The following SLC43A1 variants were observed in gnomAD, a reference collection of about 807,000 sequenced individuals.
SLC43A1 encodes the protein solute carrier family 43 member 1, also known as large neutral amino acids transporter small subunit 3.
Under a neutral mutation model 59.5 loss-of-function variants are expected in SLC43A1, and 31 were observed. The ratio of observed to expected loss-of-function variants is 0.52; its 90% confidence interval spans 0.39 to 0.70. The LOEUF is 0.70. Ranked by LOEUF, SLC43A1 falls within the 30% of genes least tolerant of loss-of-function variation. The pLI is 0.00. For synonymous variants in SLC43A1, 259 were observed against 290.9 expected (o/e 0.89, Z 1.12); for missense variants, 598 against 717.8 (o/e 0.83, Z 1.91).
In SLC43A1 at chr11:57,509,360, C is replaced by T. The variant is rs566237661; in HGVS notation, c.154+4598G>A. Among the ~76,000 whole-genome samples, 11 of 151,992 alleles carry T rather than the reference C, an allele frequency of 7.2e-5. No homozygotes were observed. The East Asian group carries it at 1.6e-3, about 21-fold the overall frequency. On this transcript the variant is annotated intron_variant, in intron 2 of 14. Transcript: ENST00000278426. ...ATCCCAGCACTTTGGGAGGCCAAGG[C>T]GGGTGGATCACGAGGTCAGGAGATC...
intron 2 of SLC43A1, 26 bp downstream of exon 2, chr11:57,513,932 C>G (rs369251385): frequency 3.6e-6 from 4 of 1,117,518 alleles, no homozygotes; most frequent in African/African-American, 3.1e-5. Flanking sequence ...CTCCCCCCAG[C>G]CCACCCAGCC....
chr11:57,491,957 C>T, intron 8 of SLC43A1, 95 bp from the exon 9 acceptor site: 1 of 1,212,360 alleles, frequency 8.2e-7, no homozygotes, highest in Non-Finnish European at 1.2e-6. Context: ...GTGACACTAA[C>T]TATGTGACTT....
Position 57,485,229 on chromosome 11 carries a change from AG to A in SLC43A1, c.1546del (p.Leu516SerfsTer34). The A allele has an allele frequency of 1.9e-6, 3 of 1,613,110 alleles. No individual in the cohort carries two copies. The highest frequency in any genetic ancestry group is 2.5e-6 in the Non-Finnish European group (3 of 1,179,492). ...GAATCCCAGGAGTGAGAATAGCAGG[AG>A]GCCCAGATTCACCTTTAGGGCAAGG... ...KGEPFWVNLG[L>X]LLFSLLGFLL... On this transcript the variant is annotated frameshift_variant, in exon 15 of 15. Coordinates refer to ENST00000278426, the MANE Select transcript of SLC43A1 (RefSeq NM_003627.6). LOFTEE classifies it low-confidence loss of function (END_TRUNC).
In SLC43A1 at chr11:57,502,873, C is replaced by CA. The variant is rs35873904; in HGVS notation, c.155-1545dup. Among the ~76,000 whole-genome samples the CA allele has an allele frequency of 9.6e-3, 604 of 62,638 alleles. 3 individuals are homozygous for CA. The highest frequency in any genetic ancestry group is 0.033 in the South Asian group (70 of 2,098). The allele number at this position is 62,638 out of a possible 152,430, so 41.1% of individuals were successfully genotyped here. ...TGGGTGACAGAGCAAGGCCCTGTCT[C>CA]AAAAAAAAAAAAAAAGAAAAGAAAA... is the stretch of plus-strand genomic sequence containing the variant. On this transcript the variant is annotated intron_variant, in intron 2 of 14. Coordinates refer to ENST00000278426, the MANE Select transcript of SLC43A1 (RefSeq NM_003627.6).
intron 13 of SLC43A1, among the ~76,000 whole-genome samples, chr11:57,488,309 G>A (rs1943801769): frequency 2.6e-5 from 4 of 152,148 alleles, no homozygotes; most frequent in African/African-American, 9.7e-5. Flanking sequence ...GAGTGTGAGG[G>A]AGAGAAACAT....
chr11:57,487,158 G>T lies in SLC43A1; in HGVS notation c.1470C>A (p.Phe490Leu), dbSNP rs142620907. Residue 490 changes from phenylalanine to leucine, a missense_variant, in exon 14 of 15, where the codon TTC (phenylalanine) becomes TTA (leucine). Phe to Leu is a conservative substitution (Grantham distance 22, BLOSUM62 0). Coordinates refer to ENST00000278426, the MANE Select transcript of SLC43A1 (RefSeq NM_003627.6). ...TGLQSLISAV[F>L]ALLQQPLFMA... Reference sequence around the variant, plus strand: ...TGAAAAGTGGCTGCTGAAGCAAGGCGAACACAGCACTGATGAGGGACTGCA... The same window carrying T: ...TGAAAAGTGGCTGCTGAAGCAAGGCTAACACAGCACTGATGAGGGACTGCA... The T allele has an allele frequency of 2.5e-6, 4 of 1,613,956 alleles. No individual in the cohort carries two copies. The highest frequency in any genetic ancestry group is 3.4e-6 in the Non-Finnish European group (4 of 1,179,976).
Position 57,491,597 on chromosome 11 carries a change from C to T in SLC43A1, c.1048G>A (p.Glu350Lys), listed in dbSNP as rs1388965162. The change falls in exon 10 of 15, where the codon GAG becomes AAG. Residue 350 changes from glutamate to lysine, a missense_variant. By Grantham distance (56) the Glu-to-Lys change is moderately conservative. Coordinates refer to ENST00000278426, the MANE Select transcript of SLC43A1 (RefSeq NM_003627.6). ...ETNEQQQKVAETVGFYSSVFG... is the reference protein window; with the variant it reads ...ETNEQQQKVAKTVGFYSSVFG... ...CCTGCTTTCATAGCCCTACCTGTCT[C>T]TGCCACCTTTTGTTGCTGTTCATTT... 1.2e-6 allele frequency: 2 copies of T among 1,614,170 alleles called. No homozygotes were observed. The highest frequency in any genetic ancestry group is 1.7e-6 in the Non-Finnish European group (2 of 1,180,022).
rs71484453 is a variant in SLC43A1, at chr11:57,512,063, C to T, written c.154+1895G>A. On this transcript the variant is annotated intron_variant, in intron 2 of 14. Transcript: ENST00000278426. ...TACTTGAAATGGGTGACTTGTGAGG[C>T]ATGGAAATTATATCTTAATAAAGCT... 9.1e-3 allele frequency among the ~76,000 whole-genome samples: 1,390 copies of T among 152,168 alleles called. 9 individuals are homozygous for T. Among genetic ancestry groups the T allele is most frequent in the Non-Finnish European group, 0.016 (1,102 of 68,026 alleles).
At chr11:57,499,920 G>A (rs1191953310) in intron 5 of SLC43A1, among the ~76,000 whole-genome samples, 1 of 152,180 alleles carries the variant, frequency 6.6e-6, no homozygotes, top group Non-Finnish European at 1.5e-5. Context: ...GGGAGAAAGG[G>A]ATCCGCTTCC....
chr11:57,500,920 G>C, intron 4 of SLC43A1, 65 bp from the exon 5 acceptor site: 1 of 1,603,460 alleles, frequency 6.2e-7, no homozygotes, highest in African/African-American at 1.3e-5. Context: ...GGCGGGAGCT[G>C]GGGTAAACAT....
intron 11 of SLC43A1, among the ~76,000 whole-genome samples, chr11:57,490,062 G>GAGGC (rs1208553885): frequency 3.3e-5 from 5 of 152,318 alleles, no homozygotes; most frequent in Admixed American, 2.0e-4. Context: ...AGCAGGGAGG[G>GAGGC]AGGCCACTGG....
At chr11:57,488,395 G>A (rs1184885255) in intron 13 of SLC43A1, among the ~76,000 whole-genome samples, 1 of 152,292 alleles carries the variant, frequency 6.6e-6, no homozygotes. Flanking sequence ...CTGCAGTGAG[G>A]CTGAACTCAG....
At chr11:57,489,413 C>A in intron 11 of SLC43A1, 21 bp from the exon 12 acceptor site, 2 of 1,613,212 alleles carry the variant, frequency 1.2e-6, no homozygotes, top group Non-Finnish European at 1.7e-6. Flanking sequence ...CGGGAAGTCA[C>A]TGGCTGCTGC....
In SLC43A1 at chr11:57,496,081, G is replaced by A. The variant is rs374920802; in HGVS notation, c.642C>T (p.Thr214=). 7 of 1,614,152 alleles carry A rather than the reference G, an allele frequency of 4.3e-6. No individual in the cohort carries two copies. In the Admixed American group the frequency reaches 8.3e-5, roughly 19 times the overall value. The change falls in exon 7 of 15, where the codon ACC becomes ACT. Residue 214 remains threonine (T), a synonymous_variant. Coordinates refer to ENST00000278426, the MANE Select transcript of SLC43A1 (RefSeq NM_003627.6). ...GAAAGGCTTCGATGGGCCAGTTGAG[G>A]GTGCAGTTCAGAAAGATAAGGCAGG... The part of the protein sequence containing the change: ...GLACLIFLNC[T]LNWPIEAFPA...
intron 2 of SLC43A1, among the ~76,000 whole-genome samples, chr11:57,504,263 C>T (rs1944342141): frequency 6.6e-6 from 1 of 152,124 alleles, no homozygotes; most frequent in Non-Finnish European, 1.5e-5. Context: ...GGAGGCCATC[C>T]CCTTTTGCCA....
intron 12 of SLC43A1, 131 bp from the exon 13 acceptor site, chr11:57,489,120 C>T: frequency 3.5e-6 from 5 of 1,446,534 alleles, no homozygotes; most frequent in Non-Finnish European, 4.8e-6. Flanking sequence ...AGAAACACTT[C>T]CTGGAGAACC....
In SLC43A1 at chr11:57,485,604, A is replaced by G. The variant is rs199654089; in HGVS notation, c.1534-362T>C. Among the ~76,000 whole-genome samples, 1,077 of 152,226 alleles carry G rather than the reference A, an allele frequency of 7.1e-3. 13 individuals carry two copies. The highest frequency in any genetic ancestry group is 8.2e-3 in the Non-Finnish European group (557 of 68,000). On this transcript the variant is annotated intron_variant, in intron 14 of 14. Transcript: ENST00000278426. ...CTCTGACCTTTGGAGATGTTAACCA[A>G]TGGGATCCCGTTCAGGGTGGCGAGA...
intron 6 of SLC43A1, among the ~76,000 whole-genome samples, chr11:57,496,624 A>C (rs974075654): frequency 1.3e-5 from 2 of 152,206 alleles, no homozygotes; most frequent in African/African-American, 4.8e-5. Flanking sequence ...AGGCAAACCC[A>C]GACTGCTCAT....
At chr11:57,494,243 C>T (rs1944013668) in intron 7 of SLC43A1, 72 bp from the exon 8 acceptor site, 4 of 1,464,062 alleles carry the variant, frequency 2.7e-6, no homozygotes, top group East Asian at 2.4e-5. Flanking sequence ...TAGTGCTCGG[C>T]GGCCATCCCA....
Sources: gnomAD v4.1 joint callset for allele counts (sites outside exome capture counted in the v4.1 genomes callset) on GRCh38, gnomAD v4.1.1 for gene constraint, MANE v1.5 for transcripts, NCBI Gene and HGNC (gene_info 2026-07-23, HGNC 2026-07-21) for gene names.